Variants in CHST8 observed in about 807,000 individuals in gnomAD.
The protein encoded by CHST8 is GALNAC-4-ST1.
Under a neutral mutation model 15.0 loss-of-function variants are expected in CHST8, and 10 were observed. The ratio of observed to expected loss-of-function variants is 0.67; its 90% CI spans 0.41 to 1.13. The LOEUF (loss-of-function observed/expected upper bound fraction) is 1.13, where lower values mean the gene tolerates loss of function less well. Ranked by LOEUF, CHST8 falls within the 50% of genes most tolerant of loss-of-function variation. The pLI, the probability that CHST8 is intolerant of heterozygous loss-of-function variation, is 0.00. For missense variants in CHST8, 634 were observed against 608.2 expected (o/e 1.04, Z -0.45); for synonymous variants, 259 against 256.6 (o/e 1.01, Z -0.09).
chr19:33,673,190 A>G (rs1972764991), intron 2 of CHST8, among the ~76,000 whole-genome samples: 1 of 152,206 alleles, frequency 6.6e-6, no homozygotes, highest in African/African-American at 2.4e-5. Context: ...GTGCCCGCCA[A>G]GCAGCTTCCC....
At chr19:33,737,347 A>G (rs996077854) in intron 3 of CHST8, among the ~76,000 whole-genome samples, 4 of 152,082 alleles carry the variant, frequency 2.6e-5, no homozygotes. Flanking sequence ...GCTGAGCCCC[A>G]GTTTTGGGGT....
chr19:33,682,858 T>G (rs1321495609), intron 2 of CHST8, among the ~76,000 whole-genome samples: 1 of 152,080 alleles, frequency 6.6e-6, no homozygotes, highest in East Asian at 1.9e-4. Flanking sequence ...ATACTTGAGG[T>G]TGAGTAATTT....
intron 1 of CHST8, among the ~76,000 whole-genome samples, chr19:33,636,450 A>C (rs1036147738): frequency 6.6e-6 from 1 of 152,130 alleles, no homozygotes. Context: ...GGGTCCTGGT[A>C]TGTGCGTGAG....
chr19:33,659,532 T>C (rs972742775), intron 1 of CHST8, among the ~76,000 whole-genome samples: 6 of 152,202 alleles, frequency 3.9e-5, no homozygotes, highest in African/African-American at 1.2e-4. Flanking sequence ...TTGCACAATT[T>C]GTTCATTTAA....
chr19:33,744,025 C>T (rs957701281), intron 3 of CHST8, among the ~76,000 whole-genome samples: 1 of 151,564 alleles, frequency 6.6e-6, no homozygotes, highest in East Asian at 2.0e-4. Flanking sequence ...TCCTGACCTC[C>T]GGTGATCCAC....
At chr19:33,738,290 T>C (rs1254505462) in intron 3 of CHST8, among the ~76,000 whole-genome samples, 1 of 152,212 alleles carries the variant, frequency 6.6e-6, no homozygotes, top group Non-Finnish European at 1.5e-5. Flanking sequence ...CACTGAGTCA[T>C]TAATTGGGAG....
intron 3 of CHST8, among the ~76,000 whole-genome samples, chr19:33,698,399 AAAAGAAAGAAAG>A (rs3073654): frequency 3.7e-5 from 5 of 135,864 alleles, no homozygotes; most frequent in South Asian, 4.2e-4. Flanking sequence ...AAAAAAAAAA[AAAAGAAAGAAAG>A]AAAGAAAGAA....
chr19:33,729,570 T>C (rs548509114), intron 3 of CHST8, among the ~76,000 whole-genome samples: 70 of 152,362 alleles, frequency 4.6e-4, no homozygotes, highest in African/African-American at 1.6e-3. Context: ...GCTGGCACCA[T>C]CTTGGAGGCT....
chr19:33,751,557 A>C (rs1974421378), intron 3 of CHST8, among the ~76,000 whole-genome samples: 1 of 152,148 alleles, frequency 6.6e-6, no homozygotes, highest in African/African-American at 2.4e-5. Context: ...GATGGTGGAC[A>C]CTGGCTTAAT....
chr19:33,684,913 A>G (rs1259091433), intron 2 of CHST8: 1 of 152,218 alleles, frequency 6.6e-6, no homozygotes, highest in East Asian at 1.9e-4. Context: ...CTCTCTCCCA[A>G]CAAGCAGCTT....
At chr19:33,655,929 T>C (rs1487930048) in intron 1 of CHST8, among the ~76,000 whole-genome samples, 5 of 152,204 alleles carry the variant, frequency 3.3e-5, no homozygotes, top group Non-Finnish European at 4.4e-5. Flanking sequence ...TATTTTCTTG[T>C]TCTTTTTCTA....
At chr19:33,639,849 T>A (rs1045193741) in intron 1 of CHST8, among the ~76,000 whole-genome samples, 1 of 151,688 alleles carries the variant, frequency 6.6e-6, no homozygotes, top group African/African-American at 2.4e-5. Context: ...AATTTTTTTT[T>A]TTTTTTTTGA....
At chr19:33,683,312 G>GTATGTA (rs1972920897) in intron 2 of CHST8, among the ~76,000 whole-genome samples, 1 of 152,220 alleles carries the variant, frequency 6.6e-6, no homozygotes, top group Admixed American at 6.5e-5. Flanking sequence ...CTGTTAATGT[G>GTATGTA]TATGTATATG....
intron 1 of CHST8, among the ~76,000 whole-genome samples, chr19:33,627,076 C>T (rs1240911500): frequency 7.8e-6 from 1 of 128,416 alleles, no homozygotes; most frequent in Non-Finnish European, 1.6e-5. Context: ...AGATGTGAGC[C>T]AGCATGCCTG....
intron 1 of CHST8, among the ~76,000 whole-genome samples, chr19:33,665,350 G>A (rs1312889909): frequency 6.6e-6 from 1 of 152,156 alleles, no homozygotes; most frequent in Non-Finnish European, 1.5e-5. Context: ...AAATATTCTA[G>A]GCTTCATGGA....
intron 3 of CHST8, among the ~76,000 whole-genome samples, chr19:33,710,927 G>A (rs953277449): frequency 1.3e-5 from 2 of 150,396 alleles, no homozygotes; most frequent in Non-Finnish European, 2.9e-5. Flanking sequence ...AGACTGGAGT[G>A]CAGAGGTATG....
chr19:33,707,058 G>C (rs913334580), intron 3 of CHST8, among the ~76,000 whole-genome samples: 1 of 152,188 alleles, frequency 6.6e-6, no homozygotes, highest in African/African-American at 2.4e-5. Context: ...CTCCTCCCAA[G>C]CAGGTATTTT....
At chr19:33,742,717 A>G (rs1421748681) in intron 3 of CHST8, among the ~76,000 whole-genome samples, 1 of 152,104 alleles carries the variant, frequency 6.6e-6, no homozygotes, top group African/African-American at 2.4e-5. Context: ...TTTGTTGTAT[A>G]TATCGGCTTG....
At position 33,773,428 on chromosome 19, in the gene CHST8, C is replaced by A; in HGVS notation, c.*365C>A. On this transcript the variant is annotated 3_prime_UTR_variant, in exon 5 of 5. Transcript: ENST00000650847. ...TTAGCCATTGCCTTGGACCAAACCA[C>A]GTGGTTTGCAGCTTTTCTACGAGCC... 4.2e-6 allele frequency: 1 copy of A among 240,222 alleles called. No homozygotes were observed. The allele number at this position is 240,222 out of a possible 1,614,324, so 14.9% of individuals were successfully genotyped here.
Sources: gnomAD v4.1 joint callset for allele counts (sites outside exome capture counted in the v4.1 genomes callset) on GRCh38, gnomAD v4.1.1 for gene constraint, MANE v1.5 for transcripts, NCBI Gene and HGNC (gene_info 2026-07-23, HGNC 2026-07-21) for gene names.